The following CALD1 variants were observed in gnomAD, a reference collection of about 807,000 sequenced individuals.
CALD1 encodes the protein caldesmon.
Under a neutral mutation model 99.9 loss-of-function variants are expected in CALD1, and 33 were observed. That is an observed-to-expected ratio of 0.33 (90% CI 0.25 to 0.44). The LOEUF (loss-of-function observed/expected upper bound fraction) is 0.44. Ranked by LOEUF, CALD1 falls within the 20% of genes least tolerant of loss-of-function variation. The probability of loss-of-function intolerance (pLI) is 1.00; values close to 1 mark genes in which losing one functional copy is unlikely to be tolerated. For synonymous variants in CALD1, 310 were observed against 325.0 expected (o/e 0.95, Z 0.50); for missense variants, 861 against 962.1 (o/e 0.89, Z 1.39).
At chr7:134,841,870 A>G (rs1054294835) in intron 1 of CALD1, among the ~76,000 whole-genome samples, 3 of 152,170 alleles carry the variant, frequency 2.0e-5, no homozygotes, top group African/African-American at 4.8e-5. Context: ...ATCTCATAAA[A>G]GCCTCACACC....
intron 3 of CALD1, among the ~76,000 whole-genome samples, chr7:134,918,114 G>C (rs1804349971): frequency 6.6e-6 from 1 of 152,182 alleles, no homozygotes; most frequent in South Asian, 2.1e-4. Flanking sequence ...AACTGTCATG[G>C]ACTTATCCTT....
chr7:134,953,104 T>C (rs1185242806), intron 9 of CALD1, among the ~76,000 whole-genome samples: 2 of 152,232 alleles, frequency 1.3e-5, no homozygotes. Context: ...ATTTGAATTT[T>C]ATGTAATTTT....
At chr7:134,883,685 T>C (rs943407472) in intron 3 of CALD1, among the ~76,000 whole-genome samples, 2 of 152,224 alleles carry the variant, frequency 1.3e-5, no homozygotes, top group African/African-American at 2.4e-5. Flanking sequence ...ATCATAAAGA[T>C]ACCTAAGATT....
chr7:134,786,801 A>G (rs929861146), intron 1 of CALD1, among the ~76,000 whole-genome samples: 1 of 152,220 alleles, frequency 6.6e-6, no homozygotes, highest in Non-Finnish European at 1.5e-5. Flanking sequence ...GTAAGAGAGC[A>G]TGTTTTAACA....
the CALD1 span, chr7:134,734,881 C>G: frequency 6.4e-6 from 1 of 156,766 alleles, no homozygotes; most frequent in African/African-American, 2.4e-5. Flanking sequence ...GACCAATACA[C>G]CCAGTAACAG....
intron 1 of CALD1, among the ~76,000 whole-genome samples, chr7:134,769,684 G>T (rs1350095497): frequency 6.6e-6 from 1 of 152,048 alleles, no homozygotes; most frequent in Non-Finnish European, 1.5e-5. Flanking sequence ...AGACTAGAGT[G>T]CAGAGTGCAG....
intron 3 of CALD1, among the ~76,000 whole-genome samples, chr7:134,906,984 C>T (rs1021365923): frequency 6.6e-6 from 1 of 152,204 alleles, no homozygotes; most frequent in Non-Finnish European, 1.5e-5. Flanking sequence ...AGTTACCTAA[C>T]GCCTCTGAGC....
intron 1 of CALD1, among the ~76,000 whole-genome samples, chr7:134,789,604 G>C (rs1797442180): frequency 6.6e-6 from 1 of 152,106 alleles, no homozygotes; most frequent in African/African-American, 2.4e-5. Flanking sequence ...AATTACAAAT[G>C]GTCAGCTATT....
the CALD1 span, among the ~76,000 whole-genome samples, chr7:134,719,025 T>G: frequency 6.6e-6 from 1 of 152,200 alleles, no homozygotes; most frequent in Non-Finnish European, 1.5e-5. Flanking sequence ...TATCTCCATT[T>G]TGCAAATGAA....
chr7:134,877,266 G>A (rs1006816912), intron 3 of CALD1, among the ~76,000 whole-genome samples: 2 of 152,152 alleles, frequency 1.3e-5, no homozygotes, highest in African/African-American at 4.8e-5. Context: ...AACTCCATGT[G>A]TCAGATGGCT....
intron 2 of CALD1, among the ~76,000 whole-genome samples, chr7:134,861,998 T>G (rs528053654): frequency 7.9e-5 from 12 of 152,324 alleles, no homozygotes; most frequent in Non-Finnish European, 1.3e-4. Context: ...GTTACGAATT[T>G]TACAAAGCAC....
intron 1 of CALD1, among the ~76,000 whole-genome samples, chr7:134,796,421 G>C (rs538805578): frequency 6.6e-6 from 1 of 152,188 alleles, no homozygotes; most frequent in East Asian, 1.9e-4. Flanking sequence ...ACTTTTCCTG[G>C]TTGGTTTTGG....
At chr7:134,940,242 CT>C (rs1386260567) in intron 6 of CALD1, among the ~76,000 whole-genome samples, 1 of 152,152 alleles carries the variant, frequency 6.6e-6, no homozygotes, top group Non-Finnish European at 1.5e-5. Context: ...CCTTTACCCC[CT>C]CCCCCACAAA....
At chr7:134,825,804 A>G (rs998221584) in intron 1 of CALD1, among the ~76,000 whole-genome samples, 1 of 152,162 alleles carries the variant, frequency 6.6e-6, no homozygotes, top group Non-Finnish European at 1.5e-5. Context: ...CCCAGGGGTC[A>G]GAGCTCAGGG....
Position 134,863,285 on chromosome 7 carries a change from A to C in CALD1, c.-41-4408A>C, listed in dbSNP as rs371351838. On this transcript the variant is annotated intron_variant, in intron 2 of 14. Coordinates refer to ENST00000361675, the MANE Select transcript of CALD1 (RefSeq NM_033138.4). ...TAAAAATGTTAAAGGCTTAAAAAAC[A>C]GCCTGCCACATAGTACATATTCAAT... Among the ~76,000 whole-genome samples, 10 of 152,368 alleles carry C rather than the reference A, an allele frequency of 6.6e-5. No homozygotes were observed. The East Asian group carries it at 1.9e-3, about 29-fold the overall frequency.
intron 12 of CALD1, 26 bp from the exon 13 acceptor site, chr7:134,960,507 T>C: frequency 7.2e-7 from 1 of 1,382,090 alleles, no homozygotes; most frequent in East Asian, 2.3e-5. Flanking sequence ...CATTCTTTAA[T>C]ATTTTGGATG....
At chr7:134,844,486 G>A (rs1284454458) in intron 2 of CALD1, 2 of 152,198 alleles carry the variant, frequency 1.3e-5, no homozygotes, top group African/African-American at 4.8e-5. Flanking sequence ...CACTTTAGAG[G>A]ATGGAGAAAC....
chr7:134,935,864 A>T, intron 6 of CALD1, 99 bp downstream of exon 6: 1 of 1,165,728 alleles, frequency 8.6e-7, no homozygotes, highest in Non-Finnish European at 1.2e-6. Flanking sequence ...GTAACCTCAT[A>T]TCCAGTGTAT....
At chr7:134,915,769 C>G (rs1416211422) in intron 3 of CALD1, among the ~76,000 whole-genome samples, 1 of 152,168 alleles carries the variant, frequency 6.6e-6, no homozygotes, top group Non-Finnish European at 1.5e-5. Context: ...TCTATTAACT[C>G]AAAGGGAGTC....
Sources: allele counts gnomAD v4.1 joint callset (sites outside exome capture counted in the v4.1 genomes callset), GRCh38; gene constraint gnomAD v4.1.1; transcripts MANE v1.5; gene names NCBI Gene and HGNC (gene_info 2026-07-23, HGNC 2026-07-21).